The following TBL1XR1 variants were observed in gnomAD, a reference collection of about 807,000 sequenced individuals.
The protein encoded by TBL1XR1 is F-box-like/WD repeat-containing protein TBL1XR1.
In TBL1XR1, 5 loss-of-function variants were observed where a neutral mutation model predicts 66.9. The ratio of observed to expected loss-of-function variants is 0.07; its 90% CI spans 0.04 to 0.16. The LOEUF (loss-of-function observed/expected upper bound fraction) is 0.16, where lower values mean the gene tolerates loss of function less well. Among genes scored for constraint, TBL1XR1 ranks in the 10% least tolerant of loss-of-function variants. The pLI, the probability that TBL1XR1 is intolerant of heterozygous loss-of-function variation, is 1.00. For missense variants in TBL1XR1, 238 were observed against 623.2 expected, an observed-to-expected ratio of 0.38 and a Z score of 6.58; for synonymous variants, 210 against 206.0, an observed-to-expected ratio of 1.02 and a Z score of -0.17.
At chr3:177,174,356 C>G (rs1047151817) in intron 1 of TBL1XR1, among the ~76,000 whole-genome samples, 7 of 130,836 alleles carry the variant, frequency 5.4e-5, no homozygotes, top group African/African-American at 1.2e-4. Flanking sequence ...TTGCAGTGAG[C>G]TGAGATAGTG....
chr3:177,110,646 A>T (rs1725441252), intron 1 of TBL1XR1, among the ~76,000 whole-genome samples: 1 of 152,210 alleles, frequency 6.6e-6, no homozygotes. Context: ...ATGCACAGGA[A>T]TAAATGACAG....
chr3:177,066,204 T>A (rs1045687656), intron 2 of TBL1XR1, among the ~76,000 whole-genome samples: 6 of 152,130 alleles, frequency 3.9e-5, no homozygotes, highest in Non-Finnish European at 7.3e-5. Context: ...GGCTACCAGG[T>A]GACAAACTGC....
At chr3:177,046,884 C>T (rs1333442962) in intron 9 of TBL1XR1, among the ~76,000 whole-genome samples, 3 of 152,032 alleles carry the variant, frequency 2.0e-5, no homozygotes, top group African/African-American at 4.8e-5. Flanking sequence ...ATTCACCAGC[C>T]GACTTAGACA....
upstream of TBL1XR1, among the ~76,000 whole-genome samples, chr3:177,200,268 G>A (rs974142755): frequency 5.9e-5 from 9 of 152,094 alleles, no homozygotes; most frequent in Non-Finnish European, 7.4e-5. Context: ...CACTGTGCCC[G>A]GCAGCCTGGA....
intron 1 of TBL1XR1, among the ~76,000 whole-genome samples, chr3:177,193,882 A>AT (rs1171702063): frequency 1.3e-5 from 2 of 152,198 alleles, no homozygotes; most frequent in African/African-American, 2.4e-5. Context: ...GAACAAGGGA[A>AT]TTAACTTCTT....
chr3:177,194,917 T>A (rs1483774022), intron 1 of TBL1XR1, among the ~76,000 whole-genome samples: 2 of 152,056 alleles, frequency 1.3e-5, no homozygotes, highest in East Asian at 3.9e-4. Flanking sequence ...TTACCACCAG[T>A]GTCTCCCACA....
At chr3:177,137,037 T>G (rs1729079001) in intron 1 of TBL1XR1, among the ~76,000 whole-genome samples, 1 of 152,198 alleles carries the variant, frequency 6.6e-6, no homozygotes, top group Non-Finnish European at 1.5e-5. Flanking sequence ...GCAAGCAATA[T>G]GACAATGACT....
chr3:177,068,762 A>C (rs1026532619), intron 2 of TBL1XR1, among the ~76,000 whole-genome samples: 1 of 152,230 alleles, frequency 6.6e-6, no homozygotes, highest in Non-Finnish European at 1.5e-5. Flanking sequence ...CCTCGATTAC[A>C]TAATTTTAAA....
chr3:177,045,144 C>A (rs934198839), intron 10 of TBL1XR1: 1 of 152,010 alleles, frequency 6.6e-6, no homozygotes, highest in East Asian at 1.9e-4. Flanking sequence ...GAAAAAAAAG[C>A]AAAATGCCTG....
intron 1 of TBL1XR1, among the ~76,000 whole-genome samples, chr3:177,148,623 G>A (rs1240247916): frequency 3.3e-5 from 5 of 152,114 alleles, no homozygotes; most frequent in Non-Finnish European, 7.3e-5. Flanking sequence ...GCTGAGGCAG[G>A]AGAATCACTT....
Position 177,039,575 on chromosome 3 carries a change from T to TGA in TBL1XR1, c.926-1143_926-1142dup, listed in dbSNP as rs549030895. 4.4e-3 allele frequency among the ~76,000 whole-genome samples: 672 copies of TGA among 152,338 alleles called. 1 individual carries two copies. The highest frequency in any genetic ancestry group is 9.3e-3 in the Admixed American group (142 of 15,300). ...CAAAGCAGGCTGGCATTTAATACTT[T>TGA]GAGTTTAGCTCTGAAATTATTGAAC... On this transcript the variant is annotated intron_variant, in intron 10 of 15. Transcript: ENST00000457928.
Position 177,041,924 on chromosome 3 carries a change from C to T in TBL1XR1, c.926-3490G>A, listed in dbSNP as rs189944420. Among the ~76,000 whole-genome samples, 3 of 152,228 alleles carry T rather than the reference C, an allele frequency of 2.0e-5. No homozygotes were observed. In the East Asian group the frequency reaches 5.8e-4, roughly 29 times the overall value. ...GCAGCCTATCCTCTACAACCCAGTC[C>T]CCACTGGACAATCAGGTCCTGCCTT... is the stretch of plus-strand genomic sequence containing the variant. On this transcript the variant is annotated intron_variant, in intron 10 of 15. Transcript: ENST00000457928.
chr3:177,151,880 C>T (rs562019110), intron 1 of TBL1XR1, among the ~76,000 whole-genome samples: 66 of 152,202 alleles, frequency 4.3e-4, no homozygotes, highest in Non-Finnish European at 6.5e-4. Context: ...AAAAATCAGC[C>T]GGGCGTGGTG....
intron 10 of TBL1XR1, 51 bp downstream of exon 10, chr3:177,046,078 T>A: frequency 7.2e-7 from 1 of 1,388,890 alleles, no homozygotes. Flanking sequence ...AAAGTTTAAT[T>A]AGAAAAACAG....
intron 1 of TBL1XR1, among the ~76,000 whole-genome samples, chr3:177,147,906 T>C (rs528705456): frequency 6.6e-6 from 1 of 152,326 alleles, no homozygotes; most frequent in Non-Finnish European, 1.5e-5. Context: ...CAATTAACTC[T>C]TGAGTTCCTC....
chr3:177,198,519 A>G (rs1238502960), upstream of TBL1XR1, among the ~76,000 whole-genome samples: 1 of 152,186 alleles, frequency 6.6e-6, no homozygotes, highest in Non-Finnish European at 1.5e-5. Flanking sequence ...ATGTGGCAGT[A>G]TGGTTGAGGG....
At chr3:177,115,312 G>A (rs1726176751) in intron 1 of TBL1XR1, among the ~76,000 whole-genome samples, 1 of 152,134 alleles carries the variant, frequency 6.6e-6, no homozygotes, top group Admixed American at 6.5e-5. Flanking sequence ...ACCTGATGGA[G>A]TCAGGTCAAA....
At chr3:177,088,020 G>T (rs1317235917) in intron 2 of TBL1XR1, among the ~76,000 whole-genome samples, 5 of 152,104 alleles carry the variant, frequency 3.3e-5, no homozygotes, top group Admixed American at 2.0e-4. Flanking sequence ...ATATGTCCTT[G>T]CTCTCACACT....
At chr3:177,183,930 TGA>T (rs944668303) in intron 1 of TBL1XR1, among the ~76,000 whole-genome samples, 2 of 151,990 alleles carry the variant, frequency 1.3e-5, no homozygotes, top group African/African-American at 4.8e-5. Flanking sequence ...AGTAACATAC[TGA>T]GAGTTCACTG....
Sources: gnomAD v4.1 joint callset for allele counts (sites outside exome capture counted in the v4.1 genomes callset) on GRCh38, gnomAD v4.1.1 for gene constraint, MANE v1.5 for transcripts, NCBI Gene and HGNC (gene_info 2026-07-23, HGNC 2026-07-21) for gene names.